The following SLC41A2 variants were observed in gnomAD, a reference collection of about 807,000 sequenced individuals.
The protein encoded by SLC41A2 is solute carrier family 41 member 2, also known as SLC41A1-like 1.
In SLC41A2, 32 loss-of-function variants were observed where a neutral mutation model predicts 58.3. The observed-to-expected ratio is 0.55, with a 90% CI of 0.41 to 0.74. The LOEUF (loss-of-function observed/expected upper bound fraction) is 0.74, where lower values mean the gene tolerates loss of function less well. SLC41A2 is among the 30% of genes least tolerant of loss of function. The probability of loss-of-function intolerance (pLI) is 0.00; values close to 1 mark genes in which losing one functional copy is unlikely to be tolerated. For synonymous variants in SLC41A2, 190 were observed against 235.0 expected (o/e 0.81, Z 1.75); for missense variants, 514 against 680.6 (o/e 0.76, Z 2.72).
intron 4 of SLC41A2, among the ~76,000 whole-genome samples, chr12:104,893,364 G>T (rs1354001651): frequency 6.6e-6 from 1 of 152,190 alleles, no homozygotes; most frequent in East Asian, 1.9e-4. Context: ...ACAAATGCTG[G>T]TGAGGATGTG....
chr12:104,802,969 A>G lies in SLC41A2; in HGVS notation c.*2183T>C, dbSNP rs2136169472. 1 of 152,234 alleles carries G rather than the reference A, an allele frequency of 6.6e-6. No individual in the cohort carries two copies. The highest frequency in any genetic ancestry group is 1.5e-5 in the Non-Finnish European group (1 of 67,996). 9.4% of individuals were successfully genotyped at this position (152,234 alleles called of 1,614,324 possible). On this transcript the variant is annotated 3_prime_UTR_variant, in exon 11 of 11. Coordinates refer to ENST00000258538, the MANE Select transcript of SLC41A2 (RefSeq NM_001352171.3). ...TGCAGCTGTACAACCTTAGAAATGT[A>G]AGTTCTCTGAATTTCGGTTTCCTCT...
chr12:104,834,516 T>C (rs183093579), intron 10 of SLC41A2, among the ~76,000 whole-genome samples: 61 of 152,218 alleles, frequency 4.0e-4, no homozygotes, highest in African/African-American at 1.3e-3. Flanking sequence ...AACAGTCACA[T>C]AGACAAAATA....
intron 2 of SLC41A2, among the ~76,000 whole-genome samples, chr12:104,926,707 C>T: frequency 6.6e-6 from 1 of 151,640 alleles, no homozygotes; most frequent in East Asian, 1.9e-4. Flanking sequence ...AAACACATGA[C>T]AATATGCTAA....
At chr12:104,938,881 G>A (rs2047388707) in intron 1 of SLC41A2, among the ~76,000 whole-genome samples, 1 of 152,194 alleles carries the variant, frequency 6.6e-6, no homozygotes, top group African/African-American at 2.4e-5. Context: ...AAAGATTGCA[G>A]TCTATGGACA....
chr12:104,853,911 A>ATTATTATTATTATTATTTTTTTTT lies in SLC41A2; in HGVS notation c.1255+7379_1255+7380insAAAAAAAAATAATAATAATAATAA. On this transcript the variant is annotated intron_variant, in intron 8 of 10. Coordinates refer to ENST00000258538, the MANE Select transcript of SLC41A2 (RefSeq NM_001352171.3). ...GGGTGCATGTCACCATGCCTGGCTG[A>ATTATTATTATTATTATTTTTTTTT]TTTTTTTTTTTTTTTTTTTTTTTTT... Among the ~76,000 whole-genome samples, 198 of 59,456 alleles carry ATTATTATTATTATTATTTTTTTTT rather than the reference A, an allele frequency of 3.3e-3. 4 individuals are homozygous for ATTATTATTATTATTATTTTTTTTT. The highest frequency in any genetic ancestry group is 0.012 in the Middle Eastern group (1 of 86). The allele number at this position is 59,456 out of a possible 152,430, so 39.0% of individuals were successfully genotyped here.
chr12:104,899,030 G>A (rs2045432786), intron 3 of SLC41A2, among the ~76,000 whole-genome samples: 1 of 152,168 alleles, frequency 6.6e-6, no homozygotes, highest in Non-Finnish European at 1.5e-5. Context: ...TGGTGTAAAG[G>A]CCTTTGCTAG....
At chr12:104,934,921 T>G (rs937158419) in intron 1 of SLC41A2, among the ~76,000 whole-genome samples, 2 of 152,040 alleles carry the variant, frequency 1.3e-5, no homozygotes, top group Admixed American at 6.6e-5. Context: ...GGTATAAAGT[T>G]TCAGTTAGAC....
chr12:104,902,266 A>T (rs1300031500), intron 3 of SLC41A2, among the ~76,000 whole-genome samples: 1 of 152,206 alleles, frequency 6.6e-6, no homozygotes, highest in Non-Finnish European at 1.5e-5. Flanking sequence ...ATTACAAACA[A>T]CAGGCAAATA....
At chr12:104,877,404 T>G (rs2044103363) in intron 6 of SLC41A2, among the ~76,000 whole-genome samples, 1 of 152,166 alleles carries the variant, frequency 6.6e-6, no homozygotes, top group Non-Finnish European at 1.5e-5. Context: ...AAAATATATT[T>G]TTAGGAGAAT....
At chr12:104,855,883 G>A (rs1011293535) in intron 8 of SLC41A2, among the ~76,000 whole-genome samples, 4 of 152,278 alleles carry the variant, frequency 2.6e-5, no homozygotes, top group African/African-American at 7.2e-5. Flanking sequence ...GCGGGGAAGA[G>A]GATGAGTTCA....
At chr12:104,853,843 A>T (rs2136378623) in intron 8 of SLC41A2, among the ~76,000 whole-genome samples, 1 of 149,762 alleles carries the variant, frequency 6.7e-6, no homozygotes, top group East Asian at 2.0e-4. Context: ...TCCTGGACTC[A>T]AGTGATCCTC....
At position 104,866,464 on chromosome 12, in the gene SLC41A2, C is replaced by T. The variant is rs1414425125; in HGVS notation, c.1143G>A (p.Trp381Ter). 6.2e-6 allele frequency: 10 copies of T among 1,612,072 alleles called. No homozygotes were observed. Among genetic ancestry groups the T allele is most frequent in the African/African-American group, 1.3e-5 (1 of 74,496 alleles). ...PATRTVLHSG[W>*]EPVITAMVIS... ...TAACCATAGCTGTTATGACAGGCTCCCAGCCTGAGTGGAGAACTGTTCTTG... is the reference window on the plus strand; with the variant it reads ...TAACCATAGCTGTTATGACAGGCTCTCAGCCTGAGTGGAGAACTGTTCTTG... The change falls in exon 7 of 11, where the codon TGG becomes TGA. Residue 381 changes from tryptophan to a stop codon, truncating the protein, a stop_gained. Transcript: ENST00000258538. LOFTEE classifies it high-confidence loss of function.
intron 10 of SLC41A2, among the ~76,000 whole-genome samples, chr12:104,820,908 G>T (rs1423375968): frequency 6.6e-6 from 1 of 152,192 alleles, no homozygotes; most frequent in Non-Finnish European, 1.5e-5. Flanking sequence ...GCCTCCCAAA[G>T]TGCTGGGATT....
chr12:104,943,219 C>T (rs1213565162), intron 1 of SLC41A2, among the ~76,000 whole-genome samples: 1 of 152,074 alleles, frequency 6.6e-6, no homozygotes, highest in African/African-American at 2.4e-5. Flanking sequence ...TGTATCAATG[C>T]TTAGAAGAAA....
At position 104,886,292 on chromosome 12, in the gene SLC41A2, C is replaced by A; in HGVS notation, c.1027+1G>T. Reference sequence around the variant, plus strand: ...CAATATTTAGTTTTAAATCAACTTACCAAGACAGGAGTATAAGCCCTGACT... The same window carrying A: ...CAATATTTAGTTTTAAATCAACTTAACAAGACAGGAGTATAAGCCCTGACT... On this transcript the variant is annotated splice_donor_variant, in intron 6 of 10. Coordinates refer to ENST00000258538, the MANE Select transcript of SLC41A2 (RefSeq NM_001352171.3). LOFTEE classifies it high-confidence loss of function. 3.1e-6 allele frequency: 5 copies of A among 1,611,736 alleles called. No individual in the cohort carries two copies. The highest frequency in any genetic ancestry group is 4.2e-6 in the Non-Finnish European group (5 of 1,178,980).
intron 6 of SLC41A2, among the ~76,000 whole-genome samples, chr12:104,869,355 A>G (rs78889766): frequency 6.6e-6 from 1 of 152,342 alleles, no homozygotes; most frequent in South Asian, 2.1e-4. Flanking sequence ...ACATTCTTCA[A>G]AAATGTCTGT....
intron 2 of SLC41A2, among the ~76,000 whole-genome samples, chr12:104,924,401 T>G (rs2046742497): frequency 6.6e-6 from 1 of 152,212 alleles, no homozygotes; most frequent in Non-Finnish European, 1.5e-5. Context: ...GACCTGGAAA[T>G]TCCATCTCTA....
intron 7 of SLC41A2, among the ~76,000 whole-genome samples, chr12:104,861,751 A>C (rs1162784541): frequency 6.6e-6 from 1 of 152,196 alleles, no homozygotes; most frequent in East Asian, 1.9e-4. Flanking sequence ...TAATTTTTTA[A>C]AACCATGCCA....
At position 104,805,248 on chromosome 12, in the gene SLC41A2, T is replaced by A. The variant is rs2040849266; in HGVS notation, c.1626A>T (p.Leu542=). The A allele has an allele frequency of 4.3e-6, 7 of 1,613,798 alleles. No homozygotes were observed. In the South Asian group the frequency reaches 7.7e-5, roughly 18 times the overall value. The change falls in exon 11 of 11, where the codon CTA becomes CTT. Residue 542 remains leucine (L), a synonymous_variant. Transcript: ENST00000258538. ...KDPDSFSIPY[L]TALGDLLGTA... ...TCCCGAGCAGATCACCCAATGCTGT[T>A]AGGTAGGGGATGGAGAAACTATCCG... is the stretch of plus-strand genomic sequence containing the variant.
Sources: gnomAD v4.1 joint callset for allele counts (sites outside exome capture counted in the v4.1 genomes callset) on GRCh38, gnomAD v4.1.1 for gene constraint, MANE v1.5 for transcripts, NCBI Gene and HGNC (gene_info 2026-07-23, HGNC 2026-07-21) for gene names.